Variants in ACSF2 observed in about 807,000 individuals in gnomAD.
The protein encoded by ACSF2 is acyl-CoA synthetase family member 2.
ACSF2 carries 52 observed loss-of-function variants against 79.3 expected under a neutral mutation model. The ratio of observed to expected loss-of-function variants is 0.66; its 90% CI spans 0.53 to 0.83. The LOEUF (loss-of-function observed/expected upper bound fraction) is 0.83. Among genes scored for constraint, ACSF2 ranks in the 40% least tolerant of loss-of-function variants. The probability of loss-of-function intolerance (pLI) is 0.00; values close to 1 mark genes in which losing one functional copy is unlikely to be tolerated. For synonymous variants in ACSF2, 283 were observed against 312.6 expected (o/e 0.91, Z 1.00); for missense variants, 661 against 803.3 (o/e 0.82, Z 2.14).
intron 10 of ACSF2, chr17:50,464,558 T>C: frequency 1.6e-6 from 1 of 617,824 alleles, no homozygotes; most frequent in Middle Eastern, 2.5e-4. Flanking sequence ...CATGGGAAGA[T>C]GGACAGCAAA....
At chr17:50,435,159 C>T (rs1048621328) in intron 1 of ACSF2, among the ~76,000 whole-genome samples, 14 of 152,124 alleles carry the variant, frequency 9.2e-5, no homozygotes, top group Non-Finnish European at 1.8e-4. Context: ...CGTGAGCCAC[C>T]GTGCCTGGCC....
At chr17:50,434,088 A>T in intron 1 of ACSF2, among the ~76,000 whole-genome samples, 1 of 149,930 alleles carries the variant, frequency 6.7e-6, no homozygotes, top group South Asian at 2.1e-4. Context: ...CTGAGGTGGG[A>T]GGATCGCTTG....
intron 10 of ACSF2, chr17:50,464,797 C>G: frequency 2.9e-6 from 1 of 344,980 alleles, no homozygotes; most frequent in Non-Finnish European, 5.7e-6. Flanking sequence ...AACAGCTTCT[C>G]CAAGAGGAGC....
At position 50,473,904 on chromosome 17, in the gene ACSF2, T is replaced by G; in HGVS notation, c.1628T>G (p.Val543Gly). Residue 543 changes from valine to glycine, a missense_variant, in exon 14 of 16, where the codon GTG (valine) becomes GGG (glycine). Val to Gly is a moderately radical substitution (Grantham distance 109, BLOSUM62 -3). Coordinates refer to ENST00000300441, the MANE Select transcript of ACSF2 (RefSeq NM_025149.6). ...PKVQEVQVVG[V>G]KDDRMGEEIC... The stretch of plus-strand genomic sequence containing the variant: ...CTTTGGCCCTGGAAGGTGGTGGGAG[T>G]GAAGGACGATCGGATGGGGGAAGAG... 1 of 1,593,268 alleles carries G rather than the reference T, an allele frequency of 6.3e-7. No homozygotes were observed. Among genetic ancestry groups the G allele is most frequent in the Non-Finnish European group, 8.6e-7 (1 of 1,166,884 alleles).
At chr17:50,429,439 C>T (rs1224355890) in intron 1 of ACSF2, among the ~76,000 whole-genome samples, 2 of 152,056 alleles carry the variant, frequency 1.3e-5, no homozygotes, top group Non-Finnish European at 2.9e-5. Flanking sequence ...TGACTTCCAC[C>T]CAGCTACATG....
rs1488462886 is a variant in ACSF2, at chr17:50,471,206, C to T, written c.1323+71C>T. 1.6e-5 allele frequency: 21 copies of T among 1,335,284 alleles called. No individual in the cohort carries two copies. Among genetic ancestry groups the T allele is most frequent in the African/African-American group, 7.2e-5 (5 of 69,050 alleles). 82.7% of individuals were successfully genotyped at this position (1,335,284 alleles called of 1,614,324 possible). A position where few individuals can be genotyped will look rare whatever the true frequency, so the allele number is the denominator to read the frequency against. On this transcript the variant is annotated intron_variant, in intron 11 of 15. Coordinates refer to ENST00000300441, the MANE Select transcript of ACSF2 (RefSeq NM_025149.6). This position sits in a 1 kb window ranked among gnomAD's most constrained non-coding sequence, Gnocchi z 4.1. ...GCTGGGGTGCACCCAGCTGGGACAT[C>T]GGTTGCTTTCAGTGAGAGAGTCAAA...
Position 50,473,934 on chromosome 17 carries a change from G to A in ACSF2, c.1658G>A (p.Cys553Tyr). Residue 553 changes from cysteine (C) to tyrosine (Y), a missense_variant, in exon 14 of 16, where the codon TGT becomes TAT. Coordinates refer to ENST00000300441, the MANE Select transcript of ACSF2 (RefSeq NM_025149.6). ...GACGATCGGATGGGGGAAGAGATTTGTGCCTGCATTCGGCTGAAGGACGGG... is the reference window on the plus strand; with the variant it reads ...GACGATCGGATGGGGGAAGAGATTTATGCCTGCATTCGGCTGAAGGACGGG... Reference protein sequence around the residue: ...VKDDRMGEEICACIRLKDGEE... With the variant: ...VKDDRMGEEIYACIRLKDGEE... The A allele has an allele frequency of 6.4e-7, 1 of 1,572,594 alleles. No homozygotes were observed. Among genetic ancestry groups the A allele is most frequent in the Non-Finnish European group, 8.6e-7 (1 of 1,157,344 alleles).
chr17:50,460,211 A>C (rs1206095250), intron 1 of ACSF2: 1 of 456,650 alleles, frequency 2.2e-6, no homozygotes, highest in South Asian at 1.5e-5. Flanking sequence ...GGCCCTCAGG[A>C]GAAAAACTGG....
chr17:50,474,236 T>C lies in ACSF2; in HGVS notation c.1766T>C (p.Val589Ala). 6.2e-7 allele frequency: 1 copy of C among 1,614,170 alleles called. No homozygotes were observed. Among genetic ancestry groups the C allele is most frequent in the Non-Finnish European group, 8.5e-7 (1 of 1,180,024 alleles). Residue 589 changes from valine to alanine, a missense_variant, in exon 15 of 16, where the codon GTC becomes GCC. Transcript: ENST00000300441. The surrounding 1 kb of genome is among the most constrained non-coding windows in gnomAD (Gnocchi z 4.2). ...AAGATTCCGAAGTACATCGTGTTTG[T>C]CACAAACTACCCCCTCACCATTTCA... ...HFKIPKYIVF[V>A]TNYPLTISGK...
At chr17:50,446,608 C>T (rs1233625994) in intron 1 of ACSF2, among the ~76,000 whole-genome samples, 1 of 152,188 alleles carries the variant, frequency 6.6e-6, no homozygotes, top group African/African-American at 2.4e-5. Flanking sequence ...GTAACCAGCA[C>T]TCAAATCAAG....
At position 50,472,449 on chromosome 17, in the gene ACSF2, G is replaced by A. The variant is rs748064337; in HGVS notation, c.1345G>A (p.Ala449Thr). The A allele has an allele frequency of 4.3e-6, 7 of 1,612,630 alleles. No homozygotes were observed. The Admixed American group carries it at 1.0e-4, about 23-fold the overall frequency. ...CCAGGCCCGGATCATGAACATGGAGGCAGGGACGCTGGCAAAGCTGAACAC... is the reference window on the plus strand; with the variant it reads ...CCAGGCCCGGATCATGAACATGGAGACAGGGACGCTGGCAAAGCTGAACAC... Reference protein sequence around the residue: ...HTEARIMNMEAGTLAKLNTPG... With the variant: ...HTEARIMNMETGTLAKLNTPG... The change falls in exon 12 of 16, where the codon GCA becomes ACA. Residue 449 changes from alanine to threonine, a missense_variant. Ala to Thr is a moderately conservative substitution (Grantham distance 58, BLOSUM62 0). Transcript: ENST00000300441.
intron 1 of ACSF2, among the ~76,000 whole-genome samples, chr17:50,445,806 T>TAAA (rs11390963): frequency 6.9e-6 from 1 of 145,410 alleles, no homozygotes. Flanking sequence ...ATCCTATCTT[T>TAAA]AAAAAAAAAA....
At position 50,451,820 on chromosome 17, in the gene ACSF2, G is replaced by A. The variant is rs781703037; in HGVS notation, c.129-8857G>A. 1.1e-4 allele frequency among the ~76,000 whole-genome samples: 16 copies of A among 152,152 alleles called. No homozygotes were observed. The South Asian group carries it at 1.2e-3, about 12-fold the overall frequency. On this transcript the variant is annotated intron_variant, in intron 1 of 15. Coordinates refer to ENST00000300441, the MANE Select transcript of ACSF2 (RefSeq NM_025149.6). ...GTACCTCATTGTGGTTTTAATTTGC[G>A]TTTCATCTGCTTGTTAGCCATTCAT...
At chr17:50,458,529 G>A (rs78752864) in intron 1 of ACSF2, among the ~76,000 whole-genome samples, 3,284 of 152,218 alleles carry the variant, frequency 0.022, 135 homozygotes, top group African/African-American at 0.073. Flanking sequence ...CCCAGATTCC[G>A]TCTTACAGGT....
intron 11 of ACSF2, 51 bp from the exon 12 acceptor site, chr17:50,472,377 A>G: frequency 3.1e-6 from 5 of 1,589,884 alleles, no homozygotes; most frequent in Non-Finnish European, 4.3e-6. Context: ...AGGACCACCT[A>G]TCCTGAAGCA....
rs138487933 is a variant in ACSF2 at position 50,462,074 on chromosome 17, G to T, written c.508-110G>T. On this transcript the variant is annotated intron_variant, in intron 4 of 15. Coordinates refer to ENST00000300441, the MANE Select transcript of ACSF2 (RefSeq NM_025149.6). The stretch of plus-strand genomic sequence containing the variant: ...GCCTGTGAGTGTGCTGGAGGTGTGT[G>T]TGTCAGAAGCGGGTGCATCTGTATG... The T allele has an allele frequency of 1.3e-3, 1,124 of 841,344 alleles. 4 individuals are homozygous for T. The highest frequency in any genetic ancestry group is 1.5e-3 in the Non-Finnish European group (762 of 519,038). 52.1% of individuals were successfully genotyped at this position (841,344 alleles called of 1,614,324 possible). A position where few individuals can be genotyped will look rare whatever the true frequency, so the allele number is the denominator to read the frequency against.
chr17:50,455,828 C>T (rs1039394449), intron 1 of ACSF2, among the ~76,000 whole-genome samples: 3 of 152,284 alleles, frequency 2.0e-5, no homozygotes, highest in East Asian at 1.9e-4. Context: ...CCGTGTCCCC[C>T]GAGCTTCAGA....
intron 1 of ACSF2, among the ~76,000 whole-genome samples, chr17:50,448,753 G>C (rs2031458643): frequency 6.6e-6 from 1 of 152,202 alleles, no homozygotes; most frequent in African/African-American, 2.4e-5. Flanking sequence ...CTGGGCAAAT[G>C]TCCTCACAGA....
At chr17:50,472,162 G>A (rs1030378643) in intron 11 of ACSF2, 8 of 461,356 alleles carry the variant, frequency 1.7e-5, no homozygotes, top group African/African-American at 1.6e-4. Context: ...TTTCTTTGCA[G>A]CAGCTGCCTG....
Sources: gnomAD v4.1 joint callset for allele counts (sites outside exome capture counted in the v4.1 genomes callset) on GRCh38, gnomAD v4.1.1 for gene constraint, Gnocchi (gnomAD v3.1) non-coding constraint, MANE v1.5 for transcripts, NCBI Gene and HGNC (gene_info 2026-07-23, HGNC 2026-07-21) for gene names.